The following MCTP2 variants were observed in gnomAD, a reference collection of about 807,000 sequenced individuals.
MCTP2 encodes the protein multiple C2 and transmembrane domain containing 2.
MCTP2 carries 132 observed loss-of-function variants against 111.6 expected under a neutral mutation model. That is an observed-to-expected ratio of 1.18 (90% CI 1.03 to 1.37). The LOEUF is 1.37. Among genes scored for constraint, MCTP2 ranks in the 40% most tolerant of loss-of-function variants. The pLI, the probability that MCTP2 is intolerant of heterozygous loss-of-function variation, is 0.00. For missense variants in MCTP2, 1,183 were observed against 1,067.9 expected (o/e 1.11, Z -1.50); for synonymous variants, 395 against 387.7 (o/e 1.02, Z -0.22).
intron 1 of MCTP2, among the ~76,000 whole-genome samples, chr15:94,275,160 TTGA>T (rs1227690123): frequency 6.6e-6 from 1 of 152,192 alleles, no homozygotes; most frequent in African/African-American, 2.4e-5. Context: ...TTTTCTTAAC[TTGA>T]TGAGTATTTA....
intron 4 of MCTP2, among the ~76,000 whole-genome samples, chr15:94,326,943 A>G (rs950128457): frequency 1.4e-4 from 22 of 151,924 alleles, no homozygotes; most frequent in Middle Eastern, 6.8e-3. Flanking sequence ...AATTGTTTTC[A>G]TCAATTTGGA....
intron 14 of MCTP2, among the ~76,000 whole-genome samples, chr15:94,390,120 A>ATATATATATG (rs2080863162): frequency 7.5e-6 from 1 of 134,170 alleles, no homozygotes; most frequent in Non-Finnish European, 1.5e-5. Context: ...ATATGTATAT[A>ATATATATATG]TATATATATA....
chr15:94,390,098 A>ATATATATGTATATATATATT (rs1567603090), intron 14 of MCTP2, among the ~76,000 whole-genome samples: 1 of 34,426 alleles, frequency 2.9e-5, no homozygotes, highest in Non-Finnish European at 5.9e-5. Flanking sequence ...ATGTATATAT[A>ATATATATGTATATATATATT]TATATATATA....
chr15:94,467,002 CAATG>C (rs1192651416), intron 20 of MCTP2, among the ~76,000 whole-genome samples: 1 of 152,036 alleles, frequency 6.6e-6, no homozygotes, highest in Non-Finnish European at 1.5e-5. Flanking sequence ...TGTGCAATAA[CAATG>C]AGAAAAATGA....
At chr15:94,387,579 C>T (rs777578905) in intron 14 of MCTP2, among the ~76,000 whole-genome samples, 4 of 152,160 alleles carry the variant, frequency 2.6e-5, no homozygotes, top group South Asian at 2.1e-4. Flanking sequence ...GTTGTTCATT[C>T]GTTTGTTCCA....
intron 16 of MCTP2, among the ~76,000 whole-genome samples, chr15:94,401,357 A>G (rs1432166771): frequency 6.6e-6 from 1 of 152,206 alleles, no homozygotes; most frequent in Non-Finnish European, 1.5e-5. Context: ...TATTTTGTAA[A>G]AGAGAAGTTA....
intron 1 of MCTP2, among the ~76,000 whole-genome samples, chr15:94,248,714 G>A (rs1486953472): frequency 6.6e-6 from 1 of 152,110 alleles, no homozygotes; most frequent in Non-Finnish European, 1.5e-5. Context: ...ATTTTTATAT[G>A]ATTTACGAAA....
Position 94,470,397 on chromosome 15 carries a change from A to G in MCTP2, c.2425A>G (p.Ile809Val), listed in dbSNP as rs770199581. ...CTGTTTGATTCTGGCAGCAGCCACC[A>G]TCATTTTGTATTTCATTCCACTGCG... ...LACLILAAAT[I>V]ILYFIPLRYI... is the part of the protein sequence containing the mutation. The change falls in exon 21 of 23, where the codon ATC (isoleucine) becomes GTC (valine). Residue 809 changes from isoleucine (I) to valine (V), a missense_variant. Coordinates refer to ENST00000357742, the MANE Select transcript of MCTP2 (RefSeq NM_001385001.1). The G allele has an allele frequency of 1.9e-6, 3 of 1,613,944 alleles. No individual in the cohort carries two copies. The highest frequency in any genetic ancestry group is 4.5e-5 in the East Asian group (2 of 44,872).
intron 19 of MCTP2, among the ~76,000 whole-genome samples, chr15:94,453,842 A>T (rs574792294): frequency 1.2e-4 from 18 of 152,332 alleles, no homozygotes; most frequent in African/African-American, 4.3e-4. Context: ...AAGAAGCCTC[A>T]ACAGCTACTT....
chr15:94,411,284 CTTTT>C (rs111921100), intron 17 of MCTP2, among the ~76,000 whole-genome samples: 1 of 139,256 alleles, frequency 7.2e-6, no homozygotes, highest in African/African-American at 2.6e-5. Context: ...TTTGATATTG[CTTTT>C]TTTTTTTTTT....
In MCTP2 at chr15:94,232,816, T is replaced by A. The variant is rs1238476983; in HGVS notation, c.-66+1152T>A. Among the ~76,000 whole-genome samples, 3 of 152,206 alleles carry A rather than the reference T, an allele frequency of 2.0e-5. No individual in the cohort carries two copies. In the East Asian group the frequency reaches 5.8e-4, roughly 29 times the overall value. On this transcript the variant is annotated intron_variant, in intron 1 of 22. Transcript: ENST00000357742. Reference sequence around the variant, plus strand: ...TGAAGAGTCTCTGTCATTAGCCTGATCAGTCATTCCAAAGCAATAAAAATT... The same window carrying A: ...TGAAGAGTCTCTGTCATTAGCCTGAACAGTCATTCCAAAGCAATAAAAATT...
Position 94,243,084 on chromosome 15 carries a change from C to G in MCTP2, c.-66+11420C>G, listed in dbSNP as rs367548011. Among the ~76,000 whole-genome samples, 56 of 37,818 alleles carry G rather than the reference C, an allele frequency of 1.5e-3. 11 individuals carry two copies. Among genetic ancestry groups the G allele is most frequent in the African/African-American group, 5.9e-3 (47 of 7,986 alleles). The allele number at this position is 37,818 out of a possible 152,430, so 24.8% of individuals were successfully genotyped here. Reference sequence around the variant, plus strand: ...ATACACGTGTATATGTGTATCTACACATATACGTGTATATGTGTATCTACG... The same window carrying G: ...ATACACGTGTATATGTGTATCTACAGATATACGTGTATATGTGTATCTACG... On this transcript the variant is annotated intron_variant, in intron 1 of 22. Transcript: ENST00000357742.
chr15:94,375,603 A>G (rs2079726324), intron 12 of MCTP2, among the ~76,000 whole-genome samples: 1 of 152,170 alleles, frequency 6.6e-6, no homozygotes, highest in Admixed American at 6.6e-5. Flanking sequence ...CCAGCCATCA[A>G]TCATGAAAAG....
At chr15:94,451,327 C>A (rs748646432) in intron 19 of MCTP2, among the ~76,000 whole-genome samples, 4 of 152,074 alleles carry the variant, frequency 2.6e-5, no homozygotes, top group Non-Finnish European at 5.9e-5. Context: ...TTGAAAAATT[C>A]CATGCTTTCA....
intron 1 of MCTP2, among the ~76,000 whole-genome samples, chr15:94,297,826 C>G (rs1300367409): frequency 2.6e-5 from 4 of 152,106 alleles, no homozygotes; most frequent in Admixed American, 1.3e-4. Flanking sequence ...AAGTCCCCAC[C>G]CCTTGATCAT....
At chr15:94,387,217 G>C (rs1351897367) in intron 14 of MCTP2, among the ~76,000 whole-genome samples, 1 of 151,166 alleles carries the variant, frequency 6.6e-6, no homozygotes, top group Non-Finnish European at 1.5e-5. Flanking sequence ...GCTTAATCAG[G>C]GTTTCTCAGT....
chr15:94,256,683 A>G (rs1297357653), intron 1 of MCTP2, among the ~76,000 whole-genome samples: 1 of 152,190 alleles, frequency 6.6e-6, no homozygotes, highest in South Asian at 2.1e-4. Flanking sequence ...GAAAAGAAGC[A>G]CAACTTGCCC....
At chr15:94,266,267 G>C (rs755146192) in intron 1 of MCTP2, among the ~76,000 whole-genome samples, 5 of 152,156 alleles carry the variant, frequency 3.3e-5, no homozygotes, top group Non-Finnish European at 5.9e-5. Flanking sequence ...CCATTTCCTG[G>C]TGCTGCATTA....
At chr15:94,243,166 C>T (rs2071182871) in intron 1 of MCTP2, among the ~76,000 whole-genome samples, 1 of 121,950 alleles carries the variant, frequency 8.2e-6, no homozygotes. Context: ...TGTGTATATA[C>T]ATACGTACGT....
Sources: allele counts gnomAD v4.1 joint callset (sites outside exome capture counted in the v4.1 genomes callset), GRCh38; gene constraint gnomAD v4.1.1; transcripts MANE v1.5; gene names NCBI Gene and HGNC (gene_info 2026-07-23, HGNC 2026-07-21).